The following DIS3L2 variants were observed in gnomAD, a reference collection of about 807,000 sequenced individuals.
DIS3L2 encodes the protein DIS3-like exonuclease 2.
Under a neutral mutation model 97.5 loss-of-function variants are expected in DIS3L2, and 34 were observed. That is an observed-to-expected ratio of 0.35 (90% confidence interval 0.27 to 0.46). DIS3L2 has a LOEUF of 0.46. Among genes scored for constraint, DIS3L2 ranks in the 20% least tolerant of loss-of-function variants. The probability of loss-of-function intolerance (pLI) is 1.00; values close to 1 mark genes in which losing one functional copy is unlikely to be tolerated. For missense variants in DIS3L2, 1,038 were observed against 1,146.0 expected (o/e 0.91, Z 1.36); for synonymous variants, 435 against 445.2 (o/e 0.98, Z 0.29).
At chr2:232,127,100 A>G (rs1251151192) in intron 6 of DIS3L2, among the ~76,000 whole-genome samples, 1 of 152,182 alleles carries the variant, frequency 6.6e-6, no homozygotes, top group South Asian at 2.1e-4. Flanking sequence ...TAGGGGTTGC[A>G]TGGACTTGCA....
At chr2:232,024,476 A>G in intron 4 of DIS3L2, 146 bp downstream of exon 4, 1 of 687,734 alleles carries the variant, frequency 1.5e-6, no homozygotes, top group Non-Finnish European at 2.4e-6. Flanking sequence ...ATTTAAATAA[A>G]CTAAATTTTC....
chr2:232,078,383 C>A (rs530996195), intron 5 of DIS3L2, among the ~76,000 whole-genome samples: 8 of 152,076 alleles, frequency 5.3e-5, no homozygotes, highest in Non-Finnish European at 7.4e-5. Context: ...GCCCTTCCCC[C>A]CCGCCCCGCT....
At chr2:232,201,022 G>A (rs1195906614) in intron 9 of DIS3L2, among the ~76,000 whole-genome samples, 2 of 152,122 alleles carry the variant, frequency 1.3e-5, no homozygotes, top group African/African-American at 2.4e-5. Context: ...TGATCTGCCC[G>A]CCTCGGCCTC....
intron 5 of DIS3L2, among the ~76,000 whole-genome samples, chr2:232,035,617 G>GT (rs1046067024): frequency 4.9e-4 from 75 of 152,152 alleles, no homozygotes; most frequent in African/African-American, 1.5e-3. Flanking sequence ...ATTTTGGTTT[G>GT]TTTTTTTGCA....
chr2:232,120,849 T>C (rs920410751), intron 6 of DIS3L2, among the ~76,000 whole-genome samples: 1 of 152,148 alleles, frequency 6.6e-6, no homozygotes, highest in African/African-American at 2.4e-5. Flanking sequence ...TCTCTGTCCT[T>C]CTGCTGGAGT....
chr2:232,238,487 T>G, intron 10 of DIS3L2, 46 bp from the exon 11 acceptor site: 3 of 1,517,806 alleles, frequency 2.0e-6, no homozygotes, highest in Non-Finnish European at 2.7e-6. Context: ...GAGAGAATGC[T>G]GTGGCCTTCC....
chr2:232,261,232 G>T (rs1693704257), intron 12 of DIS3L2, among the ~76,000 whole-genome samples: 1 of 151,954 alleles, frequency 6.6e-6, no homozygotes, highest in Admixed American at 6.6e-5. Context: ...TCCCCACCAG[G>T]CTGGGCTTCC....
intron 14 of DIS3L2, among the ~76,000 whole-genome samples, chr2:232,318,750 A>G (rs1695347353): frequency 6.6e-6 from 1 of 152,158 alleles, no homozygotes; most frequent in Non-Finnish European, 1.5e-5. Flanking sequence ...TGGGACAAGA[A>G]CCAGAGGGAA....
At position 232,015,219 on chromosome 2, in the gene DIS3L2, T is replaced by A. The variant is rs532512315; in HGVS notation, c.52+240T>A. 8.5e-5 allele frequency among the ~76,000 whole-genome samples: 13 copies of A among 152,368 alleles called. 1 individual carries two copies. The highest frequency in any genetic ancestry group is 8.3e-4 in the South Asian group (4 of 4,832). ...GAAAAGTGGCAATCTTTTAGTAATT[T>A]CTATTTTCAAAAAGTCTGTGTGTCT... On this transcript the variant is annotated intron_variant, in intron 2 of 20. Transcript: ENST00000325385.
At chr2:232,258,598 C>CAAAAAAAA (rs35525137) in intron 12 of DIS3L2, among the ~76,000 whole-genome samples, 2 of 74,640 alleles carry the variant, frequency 2.7e-5, no homozygotes, top group Admixed American at 1.4e-4. Context: ...GACTCTGTCT[C>CAAAAAAAA]AAAAAAAAAA....
chr2:232,189,313 A>G (rs1011258346), intron 9 of DIS3L2, among the ~76,000 whole-genome samples: 1 of 152,224 alleles, frequency 6.6e-6, no homozygotes, highest in Non-Finnish European at 1.5e-5. Context: ...CCCAAATACT[A>G]GAAACAGCCC....
At chr2:232,204,011 G>A (rs558410338) in intron 9 of DIS3L2, among the ~76,000 whole-genome samples, 2 of 152,264 alleles carry the variant, frequency 1.3e-5, no homozygotes, top group East Asian at 3.9e-4. Context: ...GTCATGAAGG[G>A]CTTTAAATCC....
chr2:232,019,163 A>G (rs1166897811), intron 3 of DIS3L2, among the ~76,000 whole-genome samples: 1 of 152,158 alleles, frequency 6.6e-6, no homozygotes, highest in Non-Finnish European at 1.5e-5. Flanking sequence ...AGAATAGAAT[A>G]TTGGTGTGAA....
At chr2:232,053,230 G>T (rs1351492414) in intron 5 of DIS3L2, among the ~76,000 whole-genome samples, 1 of 152,146 alleles carries the variant, frequency 6.6e-6, no homozygotes, top group Non-Finnish European at 1.5e-5. Context: ...TCATTTTCAA[G>T]GTACTTCTGT....
At chr2:232,022,904 C>T (rs1274497806) in intron 3 of DIS3L2, among the ~76,000 whole-genome samples, 1 of 152,192 alleles carries the variant, frequency 6.6e-6, no homozygotes, top group East Asian at 1.9e-4. Flanking sequence ...AAGGGACTGG[C>T]CTTGGGGAGC....
intron 5 of DIS3L2, among the ~76,000 whole-genome samples, chr2:232,070,570 G>A (rs966377250): frequency 4.0e-5 from 6 of 151,834 alleles, no homozygotes; most frequent in Non-Finnish European, 7.4e-5. Context: ...TGCTTGTACC[G>A]GAGTTAGGTT....
At chr2:232,087,761 A>G in intron 6 of DIS3L2, 40 bp downstream of exon 6, 1 of 1,460,110 alleles carries the variant, frequency 6.8e-7, no homozygotes, top group Non-Finnish European at 9.5e-7. Flanking sequence ...TTTTAAGTAC[A>G]CTGATTAAGT....
At chr2:232,330,350 C>G (rs1695699446) in intron 15 of DIS3L2, among the ~76,000 whole-genome samples, 1 of 152,196 alleles carries the variant, frequency 6.6e-6, no homozygotes, top group Non-Finnish European at 1.5e-5. Flanking sequence ...TTCAGGTGCT[C>G]CCTGCCTGGG....
At chr2:232,076,263 T>G (rs11685416) in intron 5 of DIS3L2, among the ~76,000 whole-genome samples, 1 of 152,338 alleles carries the variant, frequency 6.6e-6, no homozygotes, top group South Asian at 2.1e-4. Context: ...CTCTTTTTCA[T>G]GTGTACCTGT....
Sources: gnomAD v4.1 joint callset for allele counts (sites outside exome capture counted in the v4.1 genomes callset) on GRCh38, gnomAD v4.1.1 for gene constraint, MANE v1.5 for transcripts, NCBI Gene and HGNC (gene_info 2026-07-23, HGNC 2026-07-21) for gene names.